The following LIFR variants were observed in gnomAD, a reference collection of about 807,000 sequenced individuals.
LIFR encodes the protein LIF receptor subunit alpha.
In LIFR, 84 loss-of-function variants were observed where a neutral mutation model predicts 122.2. That is an observed-to-expected ratio of 0.69 (90% confidence interval 0.58 to 0.82). The LOEUF (loss-of-function observed/expected upper bound fraction) is 0.82. LIFR is among the 40% of genes least tolerant of loss of function. The pLI is 0.00. For missense variants in LIFR, 1,294 were observed against 1,311.6 expected, an observed-to-expected ratio of 0.99 and a Z score of 0.21; for synonymous variants, 422 against 434.7, an observed-to-expected ratio of 0.97 and a Z score of 0.36.
chr5:38,544,615 C>A (rs914834254), intron 1 of LIFR, among the ~76,000 whole-genome samples: 1 of 152,214 alleles, frequency 6.6e-6, no homozygotes, highest in African/African-American at 2.4e-5. Context: ...ACTGCTCACT[C>A]TTCCTTGTGG....
chr5:38,603,870 A>C (rs1028316210), intron 2 of LIFR, among the ~76,000 whole-genome samples: 1 of 152,020 alleles, frequency 6.6e-6, no homozygotes, highest in East Asian at 1.9e-4. Context: ...GAACTGGTCT[A>C]CTCCACAGAT....
chr5:38,508,974 A>G (rs1745648264), intron 7 of LIFR, among the ~76,000 whole-genome samples: 1 of 152,202 alleles, frequency 6.6e-6, no homozygotes. Context: ...CTAACTCACG[A>G]AATAACCTGC....
chr5:38,525,155 G>A (rs2112551156), intron 4 of LIFR, among the ~76,000 whole-genome samples: 1 of 152,306 alleles, frequency 6.6e-6, no homozygotes, highest in South Asian at 2.1e-4. Flanking sequence ...TCTCCCTAAG[G>A]GCGGATAAAT....
rs368776698 is a variant in LIFR at position 38,543,779 on chromosome 5, C to T, written c.-20+12555G>A. On this transcript the variant is annotated intron_variant, in intron 1 of 19. Transcript: ENST00000453190. ...ATTTCTCAATCATGTTAATTAAAATCTATATGTGGTAATTTAAAAATTTAT... is the reference window on the plus strand; with the variant it reads ...ATTTCTCAATCATGTTAATTAAAATTTATATGTGGTAATTTAAAAATTTAT... 2.6e-5 allele frequency among the ~76,000 whole-genome samples: 4 copies of T among 152,234 alleles called. No homozygotes were observed. In the South Asian group the frequency reaches 8.3e-4, roughly 32 times the overall value.
At chr5:38,522,926 T>C (rs967312439) in intron 5 of LIFR, among the ~76,000 whole-genome samples, 1 of 152,118 alleles carries the variant, frequency 6.6e-6, no homozygotes, top group Non-Finnish European at 1.5e-5. Flanking sequence ...TAAATGTTGT[T>C]CATTACTCCT....
At chr5:38,516,988 A>G (rs1324819421) in intron 5 of LIFR, among the ~76,000 whole-genome samples, 3 of 152,094 alleles carry the variant, frequency 2.0e-5, no homozygotes, top group Non-Finnish European at 4.4e-5. Flanking sequence ...GTTCTCACTT[A>G]TAAGTGGGAG....
intron 6 of LIFR, among the ~76,000 whole-genome samples, chr5:38,511,288 G>A (rs542329076): frequency 6.6e-6 from 1 of 151,954 alleles, no homozygotes; most frequent in Admixed American, 6.6e-5. Flanking sequence ...CAGCCTTTCA[G>A]GATTTCATTT....
intron 1 of LIFR, among the ~76,000 whole-genome samples, chr5:38,592,836 G>T (rs752009084): frequency 6.6e-6 from 1 of 151,980 alleles, no homozygotes; most frequent in East Asian, 1.9e-4. Context: ...TAAATGTGAC[G>T]GACATAGTAG....
At chr5:38,513,026 C>T (rs1353916724) in intron 5 of LIFR, among the ~76,000 whole-genome samples, 1 of 151,948 alleles carries the variant, frequency 6.6e-6, no homozygotes, top group Admixed American at 6.6e-5. Flanking sequence ...AGCAAGATTT[C>T]AATAAAATAT....
chr5:38,527,057 T>C, intron 4 of LIFR, 98 bp downstream of exon 4: 3 of 1,086,872 alleles, frequency 2.8e-6, no homozygotes, highest in Non-Finnish European at 4.0e-6. Flanking sequence ...TTAAAAGTAA[T>C]AGCATAACAC....
intron 2 of LIFR, among the ~76,000 whole-genome samples, chr5:38,601,721 C>T (rs1223506663): frequency 2.6e-5 from 4 of 152,168 alleles, no homozygotes; most frequent in Non-Finnish European, 5.9e-5. Flanking sequence ...TTTCCTTTTT[C>T]ACTTTGCTGG....
chr5:38,510,650 A>G lies in LIFR; in HGVS notation c.805T>C (p.Phe269Leu). Residue 269 changes from phenylalanine to leucine, a missense_variant, in exon 7 of 20, where the codon TTT (phenylalanine) becomes CTT (leucine). Phe to Leu is a conservative substitution (Grantham distance 22, BLOSUM62 0). Coordinates refer to ENST00000453190, the MANE Select transcript of LIFR (RefSeq NM_001127671.2). ...ACTTTTTCTTGACTCACACAACAAAATGTTATGTCTGAGCCTACAAGTATC... is the reference window on the plus strand; with the variant it reads ...ACTTTTTCTTGACTCACACAACAAAGTGTTATGTCTGAGCCTACAAGTATC... Reference protein sequence around the residue: ...KVILVGSDITFCCVSQEKVLS... With the variant: ...KVILVGSDITLCCVSQEKVLS... 6.2e-7 allele frequency: 1 copy of G among 1,613,762 alleles called. No homozygotes were observed. Among genetic ancestry groups the G allele is most frequent in the Non-Finnish European group, 8.5e-7 (1 of 1,179,702 alleles).
At chr5:38,511,745 T>A in intron 6 of LIFR, 45 bp downstream of exon 6, 1 of 1,566,042 alleles carries the variant, frequency 6.4e-7, no homozygotes, top group South Asian at 1.1e-5. Flanking sequence ...TAAGTGAGAC[T>A]AATTTAATTC....
upstream of LIFR, chr5:38,557,693 TA>T (rs1748659436): frequency 1.3e-5 from 2 of 154,794 alleles, no homozygotes; most frequent in Admixed American, 1.3e-4. Flanking sequence ...GCTTGTTTTG[TA>T]AAATAACTCT....
chr5:38,522,485 C>T (rs1351840388), intron 5 of LIFR, among the ~76,000 whole-genome samples: 1 of 152,160 alleles, frequency 6.6e-6, no homozygotes, highest in African/African-American at 2.4e-5. Context: ...GAAGTCCCTC[C>T]TCCATTTAAA....
chr5:38,586,838 G>T (rs1749766600), intron 1 of LIFR, among the ~76,000 whole-genome samples: 1 of 152,046 alleles, frequency 6.6e-6, no homozygotes. Flanking sequence ...CTCTCAAATA[G>T]TTTTCAGATG....
At chr5:38,516,242 T>A (rs539942567) in intron 5 of LIFR, among the ~76,000 whole-genome samples, 1 of 152,312 alleles carries the variant, frequency 6.6e-6, no homozygotes, top group South Asian at 2.1e-4. Flanking sequence ...TGTCCCTCTT[T>A]AATTCTAGTA....
chr5:38,563,480 C>A (rs536230540), intron 1 of LIFR, among the ~76,000 whole-genome samples: 5 of 152,272 alleles, frequency 3.3e-5, no homozygotes, highest in African/African-American at 9.6e-5. Flanking sequence ...ATTAGTCTCA[C>A]TTTACAGGTG....
chr5:38,491,626 A>G (rs957331751), intron 14 of LIFR, among the ~76,000 whole-genome samples: 1 of 152,254 alleles, frequency 6.6e-6, no homozygotes, highest in African/African-American at 2.4e-5. Flanking sequence ...TCTCCAATCA[A>G]GTGCCTATAA....
Sources: gnomAD v4.1 joint callset for allele counts (sites outside exome capture counted in the v4.1 genomes callset) on GRCh38, gnomAD v4.1.1 for gene constraint, MANE v1.5 for transcripts, NCBI Gene and HGNC (gene_info 2026-07-23, HGNC 2026-07-21) for gene names.